Variants in WHRN observed in about 807,000 individuals in gnomAD.
WHRN encodes the protein whirlin, also known as CASK-interacting protein CIP98.
Under a neutral mutation model 68.3 loss-of-function variants are expected in WHRN, and 41 were observed. The observed-to-expected ratio is 0.60, with a 90% CI of 0.47 to 0.78. WHRN has a LOEUF of 0.78. Ranked by LOEUF, WHRN falls within the 30% of genes least tolerant of loss-of-function variation. The probability of loss-of-function intolerance (pLI) is 0.00; values close to 1 mark genes in which losing one functional copy is unlikely to be tolerated. For missense variants in WHRN, 1,243 were observed against 1,244.7 expected, an observed-to-expected ratio of 1.00 and a Z score of 0.02; for synonymous variants, 560 against 561.3, an observed-to-expected ratio of 1.00 and a Z score of 0.03.
At chr9:114,503,562 G>A (rs952497794) in intron 1 of WHRN, 1 of 152,584 alleles carries the variant, frequency 6.6e-6, no homozygotes, top group African/African-American at 2.4e-5. Flanking sequence ...AGGGGCTAGG[G>A]AATTTATTTT....
chr9:114,471,637 C>G (rs372434960), intron 2 of WHRN, among the ~76,000 whole-genome samples: 1 of 152,220 alleles, frequency 6.6e-6, no homozygotes, highest in African/African-American at 2.4e-5. Context: ...TCCCTTCCTG[C>G]CTTGCCACGG....
At chr9:114,474,453 G>C (rs1465698596) in intron 2 of WHRN, among the ~76,000 whole-genome samples, 1 of 151,954 alleles carries the variant, frequency 6.6e-6, no homozygotes, top group African/African-American at 2.4e-5. Flanking sequence ...TCCCAGCCCA[G>C]CATCTCAGCC....
At chr9:114,500,484 G>A (rs191395833) in intron 1 of WHRN, among the ~76,000 whole-genome samples, 1 of 152,314 alleles carries the variant, frequency 6.6e-6, no homozygotes, top group East Asian at 1.9e-4. Context: ...CAAAGGGAGG[G>A]AGGGTGCAAT....
chr9:114,423,354 G>A lies in WHRN; in HGVS notation c.1586C>T (p.Thr529Ile). The change falls in exon 7 of 12, where the codon ACA (threonine) becomes ATA (isoleucine). Residue 529 changes from threonine to isoleucine, a missense_variant. Thr to Ile is a moderately conservative substitution (Grantham distance 89). Coordinates refer to ENST00000362057, the MANE Select transcript of WHRN (RefSeq NM_015404.4). ...GGTGGTGGAGGTGCCGTGGCTGCCT[G>A]TGGATGAACCCGTGTCACTGTAGGA... ...MVSYSDTGSS[T>I]GSHGTSTTVS... 1.2e-6 allele frequency: 2 copies of A among 1,614,032 alleles called. No homozygotes were observed. Among genetic ancestry groups the A allele is most frequent in the Non-Finnish European group, 1.7e-6 (2 of 1,179,954 alleles).
chr9:114,434,531 C>A (rs945025105), intron 3 of WHRN, among the ~76,000 whole-genome samples: 3 of 40,564 alleles, frequency 7.4e-5, no homozygotes, highest in African/African-American at 2.4e-4. Context: ...GACCTTTCCT[C>A]CAAGCCTGGT....
intron 3 of WHRN, among the ~76,000 whole-genome samples, chr9:114,435,411 T>C (rs1334023693): frequency 1.3e-5 from 2 of 152,164 alleles, no homozygotes; most frequent in African/African-American, 4.8e-5. Context: ...CCAGGGCATG[T>C]AGGGAGGCTG....
intron 3 of WHRN, among the ~76,000 whole-genome samples, chr9:114,449,927 T>C (rs1324634): frequency 0.28 from 42,234 of 151,980 alleles, 6,124 homozygotes; most frequent in Admixed American, 0.36. Context: ...ACCTAGGATA[T>C]AGGTGGTACT....
intron 7 of WHRN, among the ~76,000 whole-genome samples, chr9:114,410,328 G>C (rs944482326): frequency 2.6e-5 from 4 of 152,208 alleles, no homozygotes; most frequent in African/African-American, 4.8e-5. Context: ...TCACTTTTCA[G>C]AACAGTGGCT....
chr9:114,402,425 T>A lies in WHRN; in HGVS notation c.*329A>T. ...ATCTGGGGATGGGCTGGGTCCTAGC[T>A]GGAGGGGGGACAGCAGTGCCCCCAA... On this transcript the variant is annotated 3_prime_UTR_variant, in exon 12 of 12. Transcript: ENST00000362057. 3 of 394,804 alleles carry A rather than the reference T, an allele frequency of 7.6e-6. No individual in the cohort carries two copies. The highest frequency in any genetic ancestry group is 1.4e-5 in the Non-Finnish European group (3 of 208,452). 24.5% of individuals were successfully genotyped at this position (394,804 alleles called of 1,614,324 possible). A position where few individuals can be genotyped will look rare whatever the true frequency, so the allele number is the denominator to read the frequency against.
At chr9:114,493,429 T>C (rs1222755055) in intron 1 of WHRN, among the ~76,000 whole-genome samples, 1 of 151,758 alleles carries the variant, frequency 6.6e-6, no homozygotes, top group African/African-American at 2.4e-5. Flanking sequence ...GACAAATTCC[T>C]CTATTCCATT....
At chr9:114,418,045 C>A (rs1020950730) in intron 7 of WHRN, among the ~76,000 whole-genome samples, 1 of 152,096 alleles carries the variant, frequency 6.6e-6, no homozygotes, top group African/African-American at 2.4e-5. Flanking sequence ...TAGGATGGGT[C>A]CCAGTGCCCT....
chr9:114,414,078 C>T lies in WHRN; in HGVS notation c.1627-6060G>A, dbSNP rs566087343. Among the ~76,000 whole-genome samples, 4 of 152,338 alleles carry T rather than the reference C, an allele frequency of 2.6e-5. No individual in the cohort carries two copies. The East Asian group carries it at 5.8e-4, about 22-fold the overall frequency. On this transcript the variant is annotated intron_variant, in intron 7 of 11. Coordinates refer to ENST00000362057, the MANE Select transcript of WHRN (RefSeq NM_015404.4). ...GAGAACTTGGCTGGGGGAACTGTTA[C>T]ATCTTCATTTCCATTAACCTCTAAC... is the stretch of plus-strand genomic sequence containing the variant.
Position 114,504,834 on chromosome 9 carries a change from C to G in WHRN, c.-33G>C. 7.3e-7 allele frequency: 1 copy of G among 1,378,558 alleles called. No individual in the cohort carries two copies. Among genetic ancestry groups the G allele is most frequent in the South Asian group, 1.7e-5 (1 of 57,750 alleles). The allele number at this position is 1,378,558 out of a possible 1,614,324, so 85.4% of individuals were successfully genotyped here. ...CCGAGGCCCGGCCGGGCTCTGAGCGCGCGGGGTGTGGGCGGTGCCGCTGTC... is the reference window on the plus strand; with the variant it reads ...CCGAGGCCCGGCCGGGCTCTGAGCGGGCGGGGTGTGGGCGGTGCCGCTGTC... On this transcript the variant is annotated 5_prime_UTR_variant, in exon 1 of 12. Coordinates refer to ENST00000362057, the MANE Select transcript of WHRN (RefSeq NM_015404.4).
chr9:114,406,508 C>T lies in WHRN; in HGVS notation c.2083G>A (p.Glu695Lys). The T allele has an allele frequency of 6.2e-7, 1 of 1,614,160 alleles. No homozygotes were observed. Among genetic ancestry groups the T allele is most frequent in the Non-Finnish European group, 8.5e-7 (1 of 1,180,040 alleles). ...AGGCAGCCCCCAGCCACTGTGGCCT[C>T]TGCAGAGGGGCTTTTCAGGTGCGGG... ...SPPHLKSPSA[E>K]ATVAGGCLLP... The change falls in exon 9 of 12, where the codon GAG becomes AAG. Residue 695 changes from glutamate to lysine, a missense_variant. Physicochemically the swap from Glu to Lys is moderately conservative, Grantham distance 56 (BLOSUM62 1). Coordinates refer to ENST00000362057, the MANE Select transcript of WHRN (RefSeq NM_015404.4).
At chr9:114,488,291 G>T (rs1230473684) in intron 1 of WHRN, among the ~76,000 whole-genome samples, 1 of 152,204 alleles carries the variant, frequency 6.6e-6, no homozygotes, top group African/African-American at 2.4e-5. Context: ...AGGGCGCACA[G>T]GAGGTGCTTG....
At chr9:114,487,754 G>A (rs934598863) in intron 1 of WHRN, among the ~76,000 whole-genome samples, 1 of 152,176 alleles carries the variant, frequency 6.6e-6, no homozygotes, top group Non-Finnish European at 1.5e-5. Flanking sequence ...CCCTTTTGTA[G>A]TTCCTGTATC....
intron 3 of WHRN, among the ~76,000 whole-genome samples, chr9:114,432,295 A>C (rs1377682164): frequency 6.6e-6 from 1 of 152,220 alleles, no homozygotes; most frequent in Non-Finnish European, 1.5e-5. Flanking sequence ...CAGAGAATTC[A>C]ATTCCCTTAG....
intron 1 of WHRN, among the ~76,000 whole-genome samples, chr9:114,487,594 G>A (rs725340): frequency 0.11 from 17,410 of 152,160 alleles, 1,242 homozygotes; most frequent in East Asian, 0.35. Context: ...CATCACCTGC[G>A]ATGAACATCC....
intron 3 of WHRN, among the ~76,000 whole-genome samples, chr9:114,429,431 C>T (rs1837204969): frequency 6.6e-6 from 1 of 152,222 alleles, no homozygotes; most frequent in African/African-American, 2.4e-5. Flanking sequence ...TTTTGTGCCT[C>T]ACTTTCGTTG....
Sources: allele counts gnomAD v4.1 joint callset (sites outside exome capture counted in the v4.1 genomes callset), GRCh38; gene constraint gnomAD v4.1.1; transcripts MANE v1.5; gene names NCBI Gene and HGNC (gene_info 2026-07-23, HGNC 2026-07-21).